The following PCDHGA1 variants were observed in gnomAD, a reference collection of about 807,000 sequenced individuals.
PCDHGA1 encodes protocadherin gamma-A1.
A neutral mutation model predicts 58.0 loss-of-function variants in PCDHGA1; 32 were observed. That is an observed-to-expected ratio of 0.55 (90% CI 0.42 to 0.74). The LOEUF is 0.74. Ranked by LOEUF, PCDHGA1 falls within the 30% of genes least tolerant of loss-of-function variation. The probability of loss-of-function intolerance (pLI) is 0.00; values close to 1 mark genes in which losing one functional copy is unlikely to be tolerated. For missense variants in PCDHGA1, 1,205 were observed against 1,182.3 expected (o/e 1.02, Z -0.28); for synonymous variants, 498 against 501.1 (o/e 0.99, Z 0.08).
intron 1 of PCDHGA1, chr5:141,384,592 C>T (rs1780248278): frequency 6.2e-7 from 1 of 1,614,120 alleles, no homozygotes; most frequent in African/African-American, 1.3e-5. Flanking sequence ...GATCCTGTAC[C>T]CGGCCCTCCC....
At chr5:141,439,524 A>T (rs774174912) in intron 1 of PCDHGA1, among the ~76,000 whole-genome samples, 2 of 152,114 alleles carry the variant, frequency 1.3e-5, no homozygotes, top group Admixed American at 6.5e-5. Flanking sequence ...AACTAACTCT[A>T]CAGAACGCTG....
chr5:141,374,507 A>T, intron 1 of PCDHGA1: 1 of 1,611,446 alleles, frequency 6.2e-7, no homozygotes. Flanking sequence ...GGAAGTGAAA[A>T]TTCTCGAAAA....
rs762998335 is a variant in PCDHGA1 at position 141,340,833 on chromosome 5, T to C, written c.2421+7728T>C. 3 of 1,612,886 alleles carry C rather than the reference T, an allele frequency of 1.9e-6. No homozygotes were observed. The South Asian group carries it at 3.3e-5, about 18-fold the overall frequency. On this transcript the variant is annotated intron_variant, in intron 1 of 3. Coordinates refer to ENST00000517417, the MANE Select transcript of PCDHGA1 (RefSeq NM_018912.3). ...GAGCCGGGACTCTTCTCGGTGGGTC[T>C]GCACACGGGCGAGGTGCGCACGGCG...
At chr5:141,393,740 TGAA>T in intron 1 of PCDHGA1, 1 of 1,613,888 alleles carries the variant, frequency 6.2e-7, no homozygotes, top group Non-Finnish European at 8.5e-7. Context: ...GTCTAGATTA[TGAA>T]GAATGTTCAT....
At chr5:141,509,322 C>G (rs563556144) in intron 3 of PCDHGA1, among the ~76,000 whole-genome samples, 1 of 152,318 alleles carries the variant, frequency 6.6e-6, no homozygotes, top group East Asian at 1.9e-4. Flanking sequence ...GAGAGAAGCT[C>G]TACTGCCAGC....
chr5:141,364,788 T>C lies in PCDHGA1; in HGVS notation c.2421+31683T>C. 5 of 1,614,034 alleles carry C rather than the reference T, an allele frequency of 3.1e-6. No homozygotes were observed. Among genetic ancestry groups the C allele is most frequent in the South Asian group, 2.2e-5 (2 of 91,086 alleles). On this transcript the variant is annotated intron_variant, in intron 1 of 3. Transcript: ENST00000517417. Reference sequence around the variant, plus strand: ...AATGCGGCTGCAGGGACACGGTTAGTGCTTCCCTTCGCGCGGGATGCGGAT... The same window carrying C: ...AATGCGGCTGCAGGGACACGGTTAGCGCTTCCCTTCGCGCGGGATGCGGAT...
chr5:141,385,640 A>C (rs917789862), intron 1 of PCDHGA1: 1 of 803,664 alleles, frequency 1.2e-6, no homozygotes, highest in Admixed American at 4.6e-5. Context: ...CGAGTCTTTC[A>C]TATTGCACAA....
chr5:141,344,465 A>G, intron 1 of PCDHGA1: 2 of 1,613,906 alleles, frequency 1.2e-6, no homozygotes, highest in Non-Finnish European at 1.7e-6. Context: ...AAATTGGTGA[A>G]CTAACGGTTC....
At chr5:141,404,635 A>C (rs2094549114) in intron 1 of PCDHGA1, 1 of 1,614,130 alleles carries the variant, frequency 6.2e-7, no homozygotes, top group Non-Finnish European at 8.5e-7. Context: ...ATGCCCCAGA[A>C]ATCCTGTACC....
At chr5:141,343,162 A>AT in intron 1 of PCDHGA1, 1 of 331,622 alleles carries the variant, frequency 3.0e-6, no homozygotes, top group South Asian at 1.2e-4. Flanking sequence ...CTGTGTCTAT[A>AT]TTGTTCACCT....
At position 141,432,881 on chromosome 5, in the gene PCDHGA1, G is replaced by A; in HGVS notation, c.2422-61926G>A. On this transcript the variant is annotated intron_variant, in intron 1 of 3. Coordinates refer to ENST00000517417, the MANE Select transcript of PCDHGA1 (RefSeq NM_018912.3). This position sits in a 1 kb window ranked among gnomAD's most constrained non-coding sequence, Gnocchi z 6.0. ...GGTCTCCTGCGTCTTCCTGGCCTTC[G>A]TCATCTTGCTGCTGGCGCTCAGGCT... 6.2e-7 allele frequency: 1 copy of A among 1,614,170 alleles called. No homozygotes were observed. The highest frequency in any genetic ancestry group is 1.1e-5 in the South Asian group (1 of 91,088).
chr5:141,392,915 T>A, intron 1 of PCDHGA1: 2 of 1,613,920 alleles, frequency 1.2e-6, no homozygotes, highest in Non-Finnish European at 1.7e-6. Flanking sequence ...TTCGCTACTC[T>A]GTGCCAGAAG....
chr5:141,485,408 T>G lies in PCDHGA1; in HGVS notation c.2422-9399T>G. On this transcript the variant is annotated intron_variant, in intron 1 of 3. Transcript: ENST00000517417. The surrounding 1 kb of genome is among the most constrained non-coding windows in gnomAD (Gnocchi z 5.7). ...GAACCAAAGACACTTCCGTGTGGAT[T>G]TGGACAGCGGAGCCCTGCTCATCAA... 1 of 1,614,112 alleles carries G rather than the reference T, an allele frequency of 6.2e-7. No individual in the cohort carries two copies. The highest frequency in any genetic ancestry group is 8.5e-7 in the Non-Finnish European group (1 of 1,180,034).
At position 141,490,276 on chromosome 5, in the gene PCDHGA1, A is replaced by T; in HGVS notation, c.2422-4531A>T. 1 of 1,614,236 alleles carries T rather than the reference A, an allele frequency of 6.2e-7. No individual in the cohort carries two copies. Among genetic ancestry groups the T allele is most frequent in the Non-Finnish European group, 8.5e-7 (1 of 1,180,036 alleles). On this transcript the variant is annotated intron_variant, in intron 1 of 3. Transcript: ENST00000517417. This position sits in a 1 kb window ranked among gnomAD's most constrained non-coding sequence, Gnocchi z 5.4. ...AGTGGATGTGGGGGATGTCAATGACAATGCCCCAGAGGTGCTATTGGCCTC... is the reference window on the plus strand; with the variant it reads ...AGTGGATGTGGGGGATGTCAATGACTATGCCCCAGAGGTGCTATTGGCCTC...
At position 141,490,979 on chromosome 5, in the gene PCDHGA1, C is replaced by T. The variant is rs1217345302; in HGVS notation, c.2422-3828C>T. 6.2e-7 allele frequency: 1 copy of T among 1,614,086 alleles called. No individual in the cohort carries two copies. The highest frequency in any genetic ancestry group is 8.5e-7 in the Non-Finnish European group (1 of 1,180,014). ...GAACACTCAGCCCCCCAGCGTCTCC[C>T]TCGCTCTGCTCCTCCTGGCTCCTTG... On this transcript the variant is annotated intron_variant, in intron 1 of 3. Transcript: ENST00000517417. This position sits in a 1 kb window ranked among gnomAD's most constrained non-coding sequence, Gnocchi z 5.4.
chr5:141,333,219 C>T (rs1432730882), intron 1 of PCDHGA1, 114 bp downstream of exon 1: 1 of 1,471,048 alleles, frequency 6.8e-7, no homozygotes, highest in East Asian at 2.3e-5. Context: ...ATCTTTGTAG[C>T]TTTTTATTAC....
At chr5:141,507,611 A>G (rs2099862056) in intron 3 of PCDHGA1, among the ~76,000 whole-genome samples, 1 of 152,258 alleles carries the variant, frequency 6.6e-6, no homozygotes, top group South Asian at 2.1e-4. Flanking sequence ...AAACAGGTAT[A>G]TTTAGCTGTT....
intron 1 of PCDHGA1, chr5:141,365,824 G>C (rs745398679): frequency 2.5e-6 from 4 of 1,613,926 alleles, no homozygotes; most frequent in Non-Finnish European, 3.4e-6. Context: ...CATTTCAGGG[G>C]GCGCCCTTGT....
rs1421670958 is a variant in PCDHGA1, at chr5:141,432,558, A to C, written c.2422-62249A>C. ...GTGGCGGTGGACAGAGACTCCGGCC[A>C]GAACGCCTGGCTGTCCTACCGTCTG... On this transcript the variant is annotated intron_variant, in intron 1 of 3. Transcript: ENST00000517417. This position sits in a 1 kb window ranked among gnomAD's most constrained non-coding sequence, Gnocchi z 6.0. The C allele has an allele frequency of 1.9e-6, 3 of 1,613,756 alleles. No individual in the cohort carries two copies. The highest frequency in any genetic ancestry group is 2.2e-5 in the South Asian group (2 of 91,060).
Sources: gnomAD v4.1 joint callset for allele counts (sites outside exome capture counted in the v4.1 genomes callset) on GRCh38, gnomAD v4.1.1 for gene constraint, Gnocchi (gnomAD v3.1) non-coding constraint, MANE v1.5 for transcripts, NCBI Gene and HGNC (gene_info 2026-07-23, HGNC 2026-07-21) for gene names.